The following CHD6 variants were observed in gnomAD, a reference collection of about 807,000 sequenced individuals.
The protein encoded by CHD6 is chromodomain helicase DNA binding protein 6, also known as ATP-dependent chromatin remodeler CHD6.
In CHD6, 50 loss-of-function variants were observed where a neutral mutation model predicts 276.9. That is an observed-to-expected ratio of 0.18 (90% CI 0.14 to 0.23). CHD6 has a LOEUF of 0.23. Ranked by LOEUF, CHD6 falls within the 10% of genes least tolerant of loss-of-function variation. CHD6 has a pLI of 1.00. For synonymous variants in CHD6, 1,173 were observed against 1,229.3 expected (o/e 0.95, Z 0.96); for missense variants, 2,564 against 3,365.8 (o/e 0.76, Z 5.89).
chr20:41,422,305 G>A (rs1013032237), intron 30 of CHD6, among the ~76,000 whole-genome samples: 1 of 152,160 alleles, frequency 6.6e-6, no homozygotes, highest in Non-Finnish European at 1.5e-5. Context: ...AAAAATTCCA[G>A]TTCTGAAAAC....
chr20:41,471,567 G>A (rs756291603), intron 17 of CHD6, among the ~76,000 whole-genome samples: 2 of 150,824 alleles, frequency 1.3e-5, no homozygotes, highest in Admixed American at 6.6e-5. Context: ...ACCGAGTCTC[G>A]CTCTGTTGCC....
At position 41,402,291 on chromosome 20, in the gene CHD6, C is replaced by G. The variant is rs958713890; in HGVS notation, c.*2302G>C. On this transcript the variant is annotated 3_prime_UTR_variant, in exon 37 of 37. Transcript: ENST00000373233. Reference sequence around the variant, plus strand: ...AATCATAAGAAGCACTTGTGCCTTACAGAGCAAATAATCCACAGAGTGTCA... The same window carrying G: ...AATCATAAGAAGCACTTGTGCCTTAGAGAGCAAATAATCCACAGAGTGTCA... The G allele has an allele frequency of 4.4e-6, 1 of 225,004 alleles. No homozygotes were observed. The highest frequency in any genetic ancestry group is 8.9e-6 in the Non-Finnish European group (1 of 112,928). 13.9% of individuals were successfully genotyped at this position (225,004 alleles called of 1,614,324 possible). A position where few individuals can be genotyped will look rare whatever the true frequency, so the allele number is the denominator to read the frequency against.
intron 34 of CHD6, chr20:41,414,428 T>C (rs1434921181): frequency 2.5e-5 from 4 of 157,844 alleles, no homozygotes. Context: ...TTGAACATGG[T>C]AAGCAGTAGG....
intron 17 of CHD6, among the ~76,000 whole-genome samples, chr20:41,465,942 C>T (rs1231142506): frequency 1.3e-5 from 2 of 152,118 alleles, no homozygotes; most frequent in African/African-American, 4.8e-5. Context: ...TGGTGGGTCA[C>T]GACTGTAATC....
intron 1 of CHD6, among the ~76,000 whole-genome samples, chr20:41,614,397 T>C (rs1409770642): frequency 2.0e-5 from 3 of 152,166 alleles, no homozygotes; most frequent in African/African-American, 7.2e-5. Flanking sequence ...TCTAAGTCCT[T>C]CATTATGACT....
At chr20:41,428,003 T>C (rs763776549) in intron 27 of CHD6, among the ~76,000 whole-genome samples, 1 of 152,050 alleles carries the variant, frequency 6.6e-6, no homozygotes, top group African/African-American at 2.4e-5. Flanking sequence ...CTTCGTGCCA[T>C]GTAGTGGTGG....
intron 24 of CHD6, among the ~76,000 whole-genome samples, chr20:41,447,561 G>A (rs182109043): frequency 1.5e-3 from 232 of 152,264 alleles, no homozygotes; most frequent in African/African-American, 5.3e-3. Context: ...GTCTATACAT[G>A]TCAGATCAGT....
chr20:41,505,641 T>C (rs1036636837), intron 5 of CHD6, among the ~76,000 whole-genome samples: 3 of 152,164 alleles, frequency 2.0e-5, no homozygotes, highest in Non-Finnish European at 4.4e-5. Context: ...TTGTAATTTA[T>C]ATATATATTT....
intron 1 of CHD6, among the ~76,000 whole-genome samples, chr20:41,597,579 G>C (rs2045730890): frequency 6.6e-6 from 1 of 152,018 alleles, no homozygotes; most frequent in African/African-American, 2.4e-5. Context: ...CCTAACGACT[G>C]AAACAGCAGT....
At chr20:41,433,447 C>T (rs533621906) in intron 27 of CHD6, among the ~76,000 whole-genome samples, 12 of 152,158 alleles carry the variant, frequency 7.9e-5, no homozygotes, top group South Asian at 6.3e-4. Flanking sequence ...CAGAAGCAAG[C>T]GGCAGTACCT....
chr20:41,578,558 T>C (rs545552345), intron 1 of CHD6, among the ~76,000 whole-genome samples: 12 of 152,046 alleles, frequency 7.9e-5, no homozygotes, highest in African/African-American at 2.9e-4. Flanking sequence ...CAGGCGCCTA[T>C]AATCCCAGCT....
chr20:41,590,108 T>G (rs1000721062), intron 1 of CHD6, among the ~76,000 whole-genome samples: 1 of 152,102 alleles, frequency 6.6e-6, no homozygotes, highest in Admixed American at 6.5e-5. Flanking sequence ...AAACAAGAAA[T>G]GGGGAAAGGA....
At chr20:41,566,076 G>T (rs927035267) in intron 1 of CHD6, among the ~76,000 whole-genome samples, 4 of 152,018 alleles carry the variant, frequency 2.6e-5, no homozygotes, top group Non-Finnish European at 5.9e-5. Flanking sequence ...TCTCAATAAT[G>T]GCTGAAGCAC....
intron 1 of CHD6, chr20:41,564,286 C>CA: frequency 1.8e-6 from 1 of 559,070 alleles, no homozygotes; most frequent in Non-Finnish European, 3.2e-6. Flanking sequence ...ATATAAGACA[C>CA]AAAAAACTCA....
intron 1 of CHD6, among the ~76,000 whole-genome samples, chr20:41,567,192 G>T (rs1439676677): frequency 6.6e-6 from 1 of 152,120 alleles, no homozygotes; most frequent in East Asian, 1.9e-4. Flanking sequence ...ATCAGGTCTG[G>T]CCTATGTGTG....
rs1171329548 is a variant in CHD6, at chr20:41,419,698, C to T, written c.6127+810G>A. Among the ~76,000 whole-genome samples the T allele has an allele frequency of 2.6e-5, 4 of 151,214 alleles. No homozygotes were observed. In the East Asian group the frequency reaches 7.8e-4, roughly 29 times the overall value. On this transcript the variant is annotated intron_variant, in intron 31 of 36. Coordinates refer to ENST00000373233, the MANE Select transcript of CHD6 (RefSeq NM_032221.5). The stretch of plus-strand genomic sequence containing the variant: ...TGTCTGTCTACACCCCTCAGCACCA[C>T]AGTGGACCAGGCATGAAAGGAGTTG...
At chr20:41,535,504 C>T (rs2044809303) in intron 2 of CHD6, among the ~76,000 whole-genome samples, 1 of 152,280 alleles carries the variant, frequency 6.6e-6, no homozygotes, top group South Asian at 2.1e-4. Flanking sequence ...CATTGTATGA[C>T]CTCCTGGGGA....
chr20:41,573,404 T>C (rs1468150292), intron 1 of CHD6, among the ~76,000 whole-genome samples: 1 of 152,230 alleles, frequency 6.6e-6, no homozygotes, highest in Non-Finnish European at 1.5e-5. Context: ...ACCCATTTTA[T>C]GCAACCTAAA....
At chr20:41,496,176 CTT>C (rs1167559106) in intron 8 of CHD6, among the ~76,000 whole-genome samples, 1 of 152,230 alleles carries the variant, frequency 6.6e-6, no homozygotes, top group Admixed American at 6.5e-5. Flanking sequence ...ATGTCCTACT[CTT>C]GACACGCAGT....
Sources: gnomAD v4.1 joint callset for allele counts (sites outside exome capture counted in the v4.1 genomes callset) on GRCh38, gnomAD v4.1.1 for gene constraint, MANE v1.5 for transcripts, NCBI Gene and HGNC (gene_info 2026-07-23, HGNC 2026-07-21) for gene names.